Variants in WDR72 observed in about 807,000 individuals in gnomAD.
WDR72 encodes WD repeat-containing protein 72.
In WDR72, 120 loss-of-function variants were observed where a neutral mutation model predicts 124.2. The ratio of observed to expected loss-of-function variants is 0.97; its 90% CI spans 0.83 to 1.12. The LOEUF (loss-of-function observed/expected upper bound fraction) is 1.12. WDR72 is among the 50% of genes most tolerant of loss of function. The pLI, the probability that WDR72 is intolerant of heterozygous loss-of-function variation, is 0.00. For missense variants in WDR72, 1,387 were observed against 1,278.8 expected, an observed-to-expected ratio of 1.08 and a Z score of -1.29; for synonymous variants, 452 against 441.7, an observed-to-expected ratio of 1.02 and a Z score of -0.29.
chr15:53,689,244 A>G (rs2016752557), intron 13 of WDR72, among the ~76,000 whole-genome samples: 1 of 151,576 alleles, frequency 6.6e-6, no homozygotes, highest in African/African-American at 2.4e-5. Context: ...GAGCTTCTGC[A>G]CAGCAAAAGA....
intron 18 of WDR72, among the ~76,000 whole-genome samples, chr15:53,544,427 T>C (rs1386655265): frequency 8.1e-6 from 1 of 122,834 alleles, no homozygotes; most frequent in Non-Finnish European, 1.7e-5. Flanking sequence ...ATTATCTCAA[T>C]AGATGCAGAA....
At chr15:53,649,471 T>TA (rs1450678543) in intron 14 of WDR72, among the ~76,000 whole-genome samples, 18 of 152,256 alleles carry the variant, frequency 1.2e-4, no homozygotes, top group African/African-American at 4.3e-4. Flanking sequence ...TGTTACACTT[T>TA]AAAAGAGGAC....
At chr15:53,520,455 T>G (rs17729556) in intron 19 of WDR72, among the ~76,000 whole-genome samples, 15,813 of 152,032 alleles carry the variant, frequency 0.1, 936 homozygotes, top group East Asian at 0.24. Context: ...AACATTCCAG[T>G]TGAAAATGGT....
At position 53,615,884 on chromosome 15, in the gene WDR72, G is replaced by A; in HGVS notation, c.2322C>T (p.Ile774=). ...DGIKRQKKMK[I]SKKMQPKPSR... ...ATGGCTTAGGCTGCATTTTTTTGGAGATCTTCATTTTCTTCTGCCTTTTAA... is the reference window on the plus strand; with the variant it reads ...ATGGCTTAGGCTGCATTTTTTTGGAAATCTTCATTTTCTTCTGCCTTTTAA... The change falls in exon 15 of 20, where the codon ATC becomes ATT. Residue 774 remains isoleucine, a synonymous_variant. Coordinates refer to ENST00000360509, the MANE Select transcript of WDR72 (RefSeq NM_182758.4). 4.3e-6 allele frequency: 7 copies of A among 1,613,526 alleles called. No homozygotes were observed. Among genetic ancestry groups the A allele is most frequent in the East Asian group, 2.2e-5 (1 of 44,860 alleles).
intron 5 of WDR72, among the ~76,000 whole-genome samples, 156 bp from the exon 6 acceptor site, chr15:53,714,666 C>T (rs2017653347): frequency 6.6e-6 from 1 of 152,138 alleles, no homozygotes; most frequent in African/African-American, 2.4e-5. Context: ...AAACATTTTA[C>T]ATCGTGCTCC....
chr15:53,691,263 C>A (rs529968382), intron 13 of WDR72, among the ~76,000 whole-genome samples: 13 of 152,206 alleles, frequency 8.5e-5, no homozygotes, highest in Admixed American at 6.5e-4. Context: ...GATGCCCAGT[C>A]TTGTCTCAAA....
intron 17 of WDR72, among the ~76,000 whole-genome samples, chr15:53,599,855 C>T (rs2140343658): frequency 6.6e-6 from 1 of 152,214 alleles, no homozygotes; most frequent in African/African-American, 2.4e-5. Flanking sequence ...CATGACTTCA[C>T]TTTAACTGTT....
intron 13 of WDR72, among the ~76,000 whole-genome samples, chr15:53,689,072 G>C (rs146858228): frequency 0.039 from 5,933 of 152,262 alleles, 142 homozygotes; most frequent in Non-Finnish European, 0.05. Context: ...ATTCAAGATG[G>C]ATTAAAGACT....
chr15:53,689,167 C>G (rs1348077998), intron 13 of WDR72, among the ~76,000 whole-genome samples: 1 of 152,098 alleles, frequency 6.6e-6, no homozygotes, highest in Non-Finnish European at 1.5e-5. Flanking sequence ...CAGGACTTCA[C>G]GTCTAAAACA....
At chr15:53,591,700 AC>A (rs1386999120) in intron 18 of WDR72, among the ~76,000 whole-genome samples, 1 of 40,876 alleles carries the variant, frequency 2.4e-5, no homozygotes, top group Non-Finnish European at 4.5e-5. Context: ...ACACACACAC[AC>A]ACACACACAC....
In WDR72 at chr15:53,732,918, C is replaced by G. The variant is rs879242207; in HGVS notation, c.153+79G>C. Reference sequence around the variant, plus strand: ...TTTTAACAATCATGCAAACCTTCCACTGTCATTGCAGATAGAAAATGCAAG... The same window carrying G: ...TTTTAACAATCATGCAAACCTTCCAGTGTCATTGCAGATAGAAAATGCAAG... On this transcript the variant is annotated intron_variant, in intron 2 of 19. Coordinates refer to ENST00000360509, the MANE Select transcript of WDR72 (RefSeq NM_182758.4). 1.9e-6 allele frequency: 3 copies of G among 1,541,700 alleles called. No individual in the cohort carries two copies. In the South Asian group the frequency reaches 3.4e-5, roughly 17 times the overall value.
In WDR72 at chr15:53,514,063, T is replaced by C. The variant is rs1891312114; in HGVS notation, c.*3636A>G. The C allele has an allele frequency of 6.6e-6, 1 of 152,214 alleles. No individual in the cohort carries two copies. The highest frequency in any genetic ancestry group is 6.5e-5 in the Admixed American group (1 of 15,272). 9.4% of individuals were successfully genotyped at this position (152,214 alleles called of 1,614,324 possible). A position where few individuals can be genotyped will look rare whatever the true frequency, so the allele number is the denominator to read the frequency against. On this transcript the variant is annotated 3_prime_UTR_variant, in exon 20 of 20. Transcript: ENST00000360509. ...CTGGGGACTATTGTACATGAAGCCA[T>C]GCAGCTTTGTCTGAAAGATACCTAC...
At chr15:53,591,837 G>A (rs1303346292) in intron 18 of WDR72, among the ~76,000 whole-genome samples, 1 of 151,996 alleles carries the variant, frequency 6.6e-6, no homozygotes, top group African/African-American at 2.4e-5. Context: ...TTTCTTGAGA[G>A]AGAACTGTTA....
At chr15:53,602,256 A>T (rs1436881253) in intron 17 of WDR72, among the ~76,000 whole-genome samples, 1 of 152,116 alleles carries the variant, frequency 6.6e-6, no homozygotes, top group Admixed American at 6.6e-5. Context: ...AATGACATTA[A>T]GGCAGAAATG....
intron 14 of WDR72, among the ~76,000 whole-genome samples, chr15:53,640,554 C>A (rs62005944): frequency 0.33 from 49,768 of 152,042 alleles, 10,138 homozygotes; most frequent in Middle Eastern, 0.57. Context: ...CTTTCTGGTT[C>A]TTTTAAAAAT....
At chr15:53,603,638 T>A (rs2013142648) in intron 17 of WDR72, among the ~76,000 whole-genome samples, 1 of 152,154 alleles carries the variant, frequency 6.6e-6, no homozygotes, top group Admixed American at 6.5e-5. Flanking sequence ...TTCAGCGAAG[T>A]CTCAGGATAC....
intron 18 of WDR72, among the ~76,000 whole-genome samples, chr15:53,557,757 T>C (rs953758253): frequency 1.3e-5 from 2 of 152,062 alleles, no homozygotes; most frequent in African/African-American, 2.4e-5. Context: ...CTTAGAATGA[T>C]TTAATAGCAT....
intron 1 of WDR72, among the ~76,000 whole-genome samples, chr15:53,740,085 TA>T (rs2018466753): frequency 2.0e-5 from 3 of 152,174 alleles, no homozygotes. Context: ...TCTGGAAAAT[TA>T]GCTTCTCTTA....
intron 18 of WDR72, among the ~76,000 whole-genome samples, chr15:53,570,131 C>T (rs936081735): frequency 2.6e-5 from 4 of 152,072 alleles, no homozygotes; most frequent in African/African-American, 9.6e-5. Context: ...TTTTTAAAAG[C>T]TAAATTTTTT....
Sources: gnomAD v4.1 joint callset for allele counts (sites outside exome capture counted in the v4.1 genomes callset) on GRCh38, gnomAD v4.1.1 for gene constraint, MANE v1.5 for transcripts, NCBI Gene and HGNC (gene_info 2026-07-23, HGNC 2026-07-21) for gene names.